Variants in GFPT1 observed in about 807,000 individuals in gnomAD.
GFPT1 encodes the protein glutamine--fructose-6-phosphate aminotransferase [isomerizing] 1.
In GFPT1, 40 loss-of-function variants were observed where a neutral mutation model predicts 92.0. The observed-to-expected ratio is 0.43, with a 90% CI of 0.34 to 0.57. The LOEUF (loss-of-function observed/expected upper bound fraction) is 0.57. GFPT1 is among the 20% of genes least tolerant of loss of function. The pLI is 0.02. For synonymous variants in GFPT1, 269 were observed against 280.6 expected (o/e 0.96, Z 0.41); for missense variants, 448 against 869.1 (o/e 0.52, Z 6.09).
chr2:69,328,043 G>A (rs1670573094), intron 18 of GFPT1, among the ~76,000 whole-genome samples: 1 of 143,744 alleles, frequency 7.0e-6, no homozygotes. Flanking sequence ...AGGTTGCAGT[G>A]AGCCAAGATT....
At chr2:69,345,223 C>T (rs1328556216) in intron 12 of GFPT1, among the ~76,000 whole-genome samples, 3 of 151,932 alleles carry the variant, frequency 2.0e-5, no homozygotes, top group Non-Finnish European at 4.4e-5. Context: ...ACCACTGCAC[C>T]CCAGCCTGGG....
At chr2:69,326,883 C>T (rs374164492) in intron 19 of GFPT1, 31 bp downstream of exon 19, 20 of 1,610,124 alleles carry the variant, frequency 1.2e-5, no homozygotes, top group Non-Finnish European at 1.5e-5. Flanking sequence ...AAAAAACCAT[C>T]CCAAGATTTC....
chr2:69,339,766 C>G (rs895446886), intron 13 of GFPT1, among the ~76,000 whole-genome samples: 1 of 152,032 alleles, frequency 6.6e-6, no homozygotes, highest in Non-Finnish European at 1.5e-5. Flanking sequence ...TTGGTTCCCC[C>G]AAAAATATTA....
At chr2:69,344,777 A>G (rs1671043959) in intron 12 of GFPT1, among the ~76,000 whole-genome samples, 2 of 151,638 alleles carry the variant, frequency 1.3e-5, no homozygotes, top group South Asian at 4.1e-4. Flanking sequence ...TTCAGTAGCC[A>G]GGGCTACAGG....
At position 69,364,594 on chromosome 2, in the gene GFPT1, A is replaced by C. The variant is rs545822387; in HGVS notation, c.224-924T>G. ...ACACACGTCTCACAATAGAAACTGCAACTATGGAGTGCCTCCAAAATCAAA... is the reference window on the plus strand; with the variant it reads ...ACACACGTCTCACAATAGAAACTGCCACTATGGAGTGCCTCCAAAATCAAA... On this transcript the variant is annotated intron_variant, in intron 3 of 19. Coordinates refer to ENST00000357308, the MANE Select transcript of GFPT1 (RefSeq NM_001244710.2). 1.2e-3 allele frequency among the ~76,000 whole-genome samples: 188 copies of C among 152,384 alleles called. 2 individuals are homozygous for C. Among genetic ancestry groups the C allele is most frequent in the South Asian group, 8.7e-3 (42 of 4,834 alleles).
At chr2:69,349,669 T>C (rs546944638) in intron 10 of GFPT1, among the ~76,000 whole-genome samples, 11 of 152,194 alleles carry the variant, frequency 7.2e-5, no homozygotes, top group Admixed American at 1.3e-4. Flanking sequence ...TAATTCTAAA[T>C]GTAAAAGATG....
chr2:69,343,670 C>G (rs1487199350), intron 12 of GFPT1, among the ~76,000 whole-genome samples: 1 of 151,704 alleles, frequency 6.6e-6, no homozygotes. Flanking sequence ...CCTTGGCCTC[C>G]CAAAGTGCTG....
rs115109671 is a variant in GFPT1, at chr2:69,339,125, G to A, written c.1204-560C>T. Among the ~76,000 whole-genome samples the A allele has an allele frequency of 6.1e-3, 932 of 152,240 alleles. 11 individuals are homozygous for A. Among genetic ancestry groups the A allele is most frequent in the African/African-American group, 0.02 (828 of 41,532 alleles). ...GGAAACATACCCACACATATAAAAC[G>A]TTTTGAGAAGTGGAAAGAGCATGGT... On this transcript the variant is annotated intron_variant, in intron 13 of 19. Coordinates refer to ENST00000357308, the MANE Select transcript of GFPT1 (RefSeq NM_001244710.2).
At chr2:69,350,757 G>T (rs1365306038) in intron 9 of GFPT1, among the ~76,000 whole-genome samples, 1 of 151,846 alleles carries the variant, frequency 6.6e-6, no homozygotes, top group Admixed American at 6.6e-5. Context: ...ACAAAAATTG[G>T]CCAGACGTGG....
At chr2:69,363,792 A>G in intron 3 of GFPT1, 122 bp from the exon 4 acceptor site, 5 of 759,518 alleles carry the variant, frequency 6.6e-6, no homozygotes, top group Non-Finnish European at 1.1e-5. Flanking sequence ...ACTGAAACTA[A>G]AGATCAGGCA....
At chr2:69,355,395 T>G (rs940231321) in intron 7 of GFPT1, among the ~76,000 whole-genome samples, 2 of 90,584 alleles carry the variant, frequency 2.2e-5, no homozygotes, top group African/African-American at 7.6e-5. Context: ...GGTTTTTGGT[T>G]TTTTTTTAAT....
intron 15 of GFPT1, among the ~76,000 whole-genome samples, chr2:69,337,547 T>A (rs1670831038): frequency 6.6e-6 from 1 of 152,212 alleles, no homozygotes; most frequent in African/African-American, 2.4e-5. Flanking sequence ...AAGAAGGGGA[T>A]GTTATATACT....
intron 1 of GFPT1, among the ~76,000 whole-genome samples, chr2:69,385,638 C>G (rs888200083): frequency 3.3e-5 from 5 of 151,714 alleles, no homozygotes; most frequent in African/African-American, 1.2e-4. Context: ...TGAGGCACAC[C>G]CCTCATCATT....
rs559332466 is a variant in GFPT1 at position 69,383,188 on chromosome 2, A to G, written c.7+3877T>C. On this transcript the variant is annotated intron_variant, in intron 1 of 19. Coordinates refer to ENST00000357308, the MANE Select transcript of GFPT1 (RefSeq NM_001244710.2). ...AGAAAGGTTTCATAATTAAAGGTTTAAGAACTACCTGGTTAAAGTTAGGTA... is the reference window on the plus strand; with the variant it reads ...AGAAAGGTTTCATAATTAAAGGTTTGAGAACTACCTGGTTAAAGTTAGGTA... 7.2e-4 allele frequency among the ~76,000 whole-genome samples: 110 copies of G among 152,358 alleles called. 1 individual carries two copies. Among genetic ancestry groups the G allele is most frequent in the African/African-American group, 2.5e-3 (106 of 41,592 alleles).
Position 69,375,803 on chromosome 2 carries a change from T to C in GFPT1, c.8-1690A>G, listed in dbSNP as rs534774396. On this transcript the variant is annotated intron_variant, in intron 1 of 19. Transcript: ENST00000357308. ...CTGATATCCCAGAGATACCCACAAATAGCATTCCCAACCTCAAAGCACAGC... is the reference window on the plus strand; with the variant it reads ...CTGATATCCCAGAGATACCCACAAACAGCATTCCCAACCTCAAAGCACAGC... Among the ~76,000 whole-genome samples, 18 of 152,324 alleles carry C rather than the reference T, an allele frequency of 1.2e-4. No individual in the cohort carries two copies. The South Asian group carries it at 2.3e-3, about 19-fold the overall frequency.
intron 13 of GFPT1, among the ~76,000 whole-genome samples, chr2:69,341,198 C>A (rs1670943042): frequency 6.6e-6 from 1 of 152,014 alleles, no homozygotes; most frequent in Non-Finnish European, 1.5e-5. Flanking sequence ...ACTGATCCTC[C>A]CACTTTGCCC....
In GFPT1 at chr2:69,326,036, C is replaced by A; in HGVS notation, c.*153G>T. On this transcript the variant is annotated 3_prime_UTR_variant, in exon 20 of 20. Coordinates refer to ENST00000357308, the MANE Select transcript of GFPT1 (RefSeq NM_001244710.2). ...ATGTAAGAGGTAACTTCACAAAAATCACATATTGAGTGGAATAATTATAAC... is the reference window on the plus strand; with the variant it reads ...ATGTAAGAGGTAACTTCACAAAAATAACATATTGAGTGGAATAATTATAAC... The A allele has an allele frequency of 1.7e-6, 1 of 591,142 alleles. No individual in the cohort carries two copies. Among genetic ancestry groups the A allele is most frequent in the Non-Finnish European group, 3.0e-6 (1 of 334,372 alleles). 36.6% of individuals were successfully genotyped at this position (591,142 alleles called of 1,614,324 possible). A position where few individuals can be genotyped will look rare whatever the true frequency, so the allele number is the denominator to read the frequency against.
intron 9 of GFPT1, among the ~76,000 whole-genome samples, chr2:69,352,920 C>T (rs1327698886): frequency 6.6e-6 from 1 of 151,792 alleles, no homozygotes; most frequent in African/African-American, 2.4e-5. Context: ...GTGGTGTGCA[C>T]TGGTAGTCCC....
At chr2:69,335,582 A>C (rs1272212410) in intron 15 of GFPT1, among the ~76,000 whole-genome samples, 1 of 152,186 alleles carries the variant, frequency 6.6e-6, no homozygotes, top group African/African-American at 2.4e-5. Flanking sequence ...TCAAATCCTT[A>C]AGTGCTACTA....
Sources: gnomAD v4.1 joint callset for allele counts (sites outside exome capture counted in the v4.1 genomes callset) on GRCh38, gnomAD v4.1.1 for gene constraint, MANE v1.5 for transcripts, NCBI Gene and HGNC (gene_info 2026-07-23, HGNC 2026-07-21) for gene names.